Variants in VEPH1 observed in about 807,000 individuals in gnomAD.
VEPH1 encodes the protein ventricular zone expressed PH domain containing 1, also known as ventricular zone-expressed PH domain-containing protein homolog 1.
A neutral mutation model predicts 85.2 loss-of-function variants in VEPH1; 80 were observed. The ratio of observed to expected loss-of-function variants is 0.94; its 90% CI spans 0.78 to 1.13. VEPH1 has a LOEUF of 1.13. Ranked by LOEUF, VEPH1 falls within the 50% of genes most tolerant of loss-of-function variation. The probability of loss-of-function intolerance (pLI) is 0.00; values close to 1 mark genes in which losing one functional copy is unlikely to be tolerated. For missense variants in VEPH1, 955 were observed against 980.5 expected, an observed-to-expected ratio of 0.97 and a Z score of 0.35; for synonymous variants, 297 against 348.0, an observed-to-expected ratio of 0.85 and a Z score of 1.63.
At chr3:157,327,975 G>GTTAGGAACACAGA (rs1400617985) in intron 9 of VEPH1, among the ~76,000 whole-genome samples, 1 of 152,152 alleles carries the variant, frequency 6.6e-6, no homozygotes, top group Non-Finnish European at 1.5e-5. Flanking sequence ...CAAGGTGGTG[G>GTTAGGAACACAGA]TTAGGAACAC....
chr3:157,363,251 T>A, intron 9 of VEPH1, 113 bp downstream of exon 9: 1 of 1,027,590 alleles, frequency 9.7e-7, no homozygotes, highest in South Asian at 2.3e-5. Context: ...AAAAAAATGA[T>A]CTATTTTGCA....
chr3:157,473,278 T>C (rs1737147770), intron 2 of VEPH1, among the ~76,000 whole-genome samples: 1 of 151,948 alleles, frequency 6.6e-6, no homozygotes, highest in South Asian at 2.1e-4. Flanking sequence ...TTCACCATGT[T>C]AGTCAGGATG....
In VEPH1 at chr3:157,296,458, A is replaced by AGAG. The variant is rs145189217; in HGVS notation, c.2011-9787_2011-9785dup. Among the ~76,000 whole-genome samples, 11 of 152,312 alleles carry AGAG rather than the reference A, an allele frequency of 7.2e-5. No individual in the cohort carries two copies. The East Asian group carries it at 2.1e-3, about 29-fold the overall frequency. On this transcript the variant is annotated intron_variant, in intron 11 of 13. Coordinates refer to ENST00000362010, the MANE Select transcript of VEPH1 (RefSeq NM_001167912.2). ...CCTTGGTACCCCTCAAACTCCCTGT[A>AGAG]GAGGAGTCTCCTTCTTTTGCCTGTG...
intron 9 of VEPH1, among the ~76,000 whole-genome samples, chr3:157,352,595 C>A (rs1724983859): frequency 6.6e-6 from 1 of 152,058 alleles, no homozygotes; most frequent in Admixed American, 6.6e-5. Context: ...ATGCAGATGT[C>A]TAGAGAAAGG....
chr3:157,263,588 A>G (rs1559906014), intron 13 of VEPH1, among the ~76,000 whole-genome samples: 1 of 152,178 alleles, frequency 6.6e-6, no homozygotes, highest in Admixed American at 6.5e-5. Context: ...AATTTCTTTA[A>G]GTTTCCAATA....
At chr3:157,362,378 G>A (rs1726146120) in intron 9 of VEPH1, among the ~76,000 whole-genome samples, 1 of 152,080 alleles carries the variant, frequency 6.6e-6, no homozygotes, top group Non-Finnish European at 1.5e-5. Flanking sequence ...CCTGAGGAAG[G>A]TCCTGGCCCC....
At chr3:157,491,673 A>G (rs1404733030) in intron 2 of VEPH1, among the ~76,000 whole-genome samples, 1 of 152,158 alleles carries the variant, frequency 6.6e-6, no homozygotes, top group Non-Finnish European at 1.5e-5. Context: ...CAAAGCTGAA[A>G]GTGCTAAGTA....
In VEPH1 at chr3:157,306,564, G is replaced by A. The variant is rs562454840; in HGVS notation, c.2010+7057C>T. On this transcript the variant is annotated intron_variant, in intron 11 of 13. Coordinates refer to ENST00000362010, the MANE Select transcript of VEPH1 (RefSeq NM_001167912.2). ...TTTTTTTCCACATTCCTCTATCAAGGGACATTTGGGTTGCTCCTGATTTTT... is the reference window on the plus strand; with the variant it reads ...TTTTTTTCCACATTCCTCTATCAAGAGACATTTGGGTTGCTCCTGATTTTT... Among the ~76,000 whole-genome samples the A allele has an allele frequency of 2.0e-5, 3 of 151,780 alleles. No individual in the cohort carries two copies. In the South Asian group the frequency reaches 6.3e-4, roughly 32 times the overall value.
At chr3:157,485,794 G>T (rs901109315) in intron 2 of VEPH1, among the ~76,000 whole-genome samples, 17 of 151,780 alleles carry the variant, frequency 1.1e-4, no homozygotes, top group African/African-American at 4.1e-4. Flanking sequence ...ACATAGAAAG[G>T]TAAAAGTAAA....
At chr3:157,464,206 A>G (rs1170178843) in intron 3 of VEPH1, among the ~76,000 whole-genome samples, 2 of 152,206 alleles carry the variant, frequency 1.3e-5, no homozygotes, top group African/African-American at 4.8e-5. Flanking sequence ...AGTCTCACCT[A>G]TGCAATTTCT....
chr3:157,283,196 A>G (rs1284488096), intron 12 of VEPH1, among the ~76,000 whole-genome samples: 2 of 152,200 alleles, frequency 1.3e-5, no homozygotes, highest in African/African-American at 2.4e-5. Context: ...CCAATATTTC[A>G]TGTCCTTAAC....
At chr3:157,345,766 A>G (rs1258723621) in intron 9 of VEPH1, among the ~76,000 whole-genome samples, 1 of 152,196 alleles carries the variant, frequency 6.6e-6, no homozygotes, top group Non-Finnish European at 1.5e-5. Context: ...AATAGCAAAG[A>G]CTTGGAACCA....
At chr3:157,469,772 A>G (rs1736744379) in intron 3 of VEPH1, among the ~76,000 whole-genome samples, 1 of 152,218 alleles carries the variant, frequency 6.6e-6, no homozygotes, top group South Asian at 2.1e-4. Flanking sequence ...GTGTTACACA[A>G]CTCATTAGCG....
chr3:157,271,301 C>T (rs1446623248), intron 12 of VEPH1, among the ~76,000 whole-genome samples: 1 of 152,278 alleles, frequency 6.6e-6, no homozygotes, highest in Non-Finnish European at 1.5e-5. Flanking sequence ...AGCATGAAGC[C>T]TCATGGGCCC....
chr3:157,304,038 T>TATATATATATATATATATATATATAC lies in VEPH1; in HGVS notation c.2010+9582_2010+9583insGTATATATATATATATATATATATAT. ...CTTATATTTTTTATATATATATATATACACACATACTGTTACATCTTATAT... is the reference window on the plus strand; with the variant it reads ...CTTATATTTTTTATATATATATATATATATATATATATATATATATATATACACACACATACTGTTACATCTTATAT... On this transcript the variant is annotated intron_variant, in intron 11 of 13. Transcript: ENST00000362010. Among the ~76,000 whole-genome samples the TATATATATATATATATATATATATAC allele has an allele frequency of 2.6e-3, 251 of 96,836 alleles. 4 individuals are homozygous for TATATATATATATATATATATATATAC. The highest frequency in any genetic ancestry group is 0.012 in the South Asian group (35 of 2,856). The allele number at this position is 96,836 out of a possible 152,430, so 63.5% of individuals were successfully genotyped here.
intron 9 of VEPH1, among the ~76,000 whole-genome samples, chr3:157,360,140 G>T (rs2173824): frequency 0.23 from 35,665 of 152,104 alleles, 4,913 homozygotes; most frequent in Admixed American, 0.43. Flanking sequence ...AGCAATCTTA[G>T]GATAACAAGC....
chr3:157,293,113 A>C (rs1717723572), intron 11 of VEPH1, among the ~76,000 whole-genome samples: 1 of 152,216 alleles, frequency 6.6e-6, no homozygotes, highest in South Asian at 2.1e-4. Flanking sequence ...GCAATACGGC[A>C]AGAAGAGATC....
At chr3:157,355,175 A>T (rs1725291735) in intron 9 of VEPH1, among the ~76,000 whole-genome samples, 2 of 152,170 alleles carry the variant, frequency 1.3e-5, no homozygotes, top group African/African-American at 2.4e-5. Context: ...TTCTGACAGA[A>T]CCGTGTTCCT....
chr3:157,424,311 CCT>C (rs2109092784), intron 5 of VEPH1, among the ~76,000 whole-genome samples: 1 of 152,324 alleles, frequency 6.6e-6, no homozygotes, highest in East Asian at 1.9e-4. Context: ...TCGAATTAAA[CCT>C]CTTTTTCTTC....
Sources: allele counts gnomAD v4.1 joint callset (sites outside exome capture counted in the v4.1 genomes callset), GRCh38; gene constraint gnomAD v4.1.1; transcripts MANE v1.5; gene names NCBI Gene and HGNC (gene_info 2026-07-23, HGNC 2026-07-21).